RPGRIP1L: variants seen among roughly 807,000 people sequenced by gnomAD.
RPGRIP1L encodes the protein protein fantom.
Under a neutral mutation model 160.4 loss-of-function variants are expected in RPGRIP1L, and 131 were observed. The ratio of observed to expected loss-of-function variants is 0.82; its 90% CI spans 0.71 to 0.94. The LOEUF (loss-of-function observed/expected upper bound fraction) is 0.94. Ranked by LOEUF, RPGRIP1L falls within the 40% of genes least tolerant of loss-of-function variation. RPGRIP1L has a pLI of 0.00. For synonymous variants in RPGRIP1L, 510 were observed against 515.8 expected (o/e 0.99, Z 0.15); for missense variants, 1,522 against 1,535.8 (o/e 0.99, Z 0.15).
chr16:53,653,506 C>CT (rs1966976140), intron 14 of RPGRIP1L: 1 of 210,200 alleles, frequency 4.8e-6, no homozygotes. Context: ...ATCTGCCTTG[C>CT]TTTTCTGTGA....
At chr16:53,664,804 T>C in intron 10 of RPGRIP1L, 66 bp downstream of exon 10, 4 of 1,553,908 alleles carry the variant, frequency 2.6e-6, no homozygotes, top group East Asian at 4.5e-5. Context: ...GAGTAAGTAC[T>C]GACTGATTCA....
chr16:53,627,408 A>G (rs749945988), intron 22 of RPGRIP1L, among the ~76,000 whole-genome samples: 1 of 152,188 alleles, frequency 6.6e-6, no homozygotes, highest in African/African-American at 2.4e-5. Flanking sequence ...ACAGAAAATA[A>G]TTTGGCATAT....
At chr16:53,647,418 T>C (rs966837824) in intron 16 of RPGRIP1L, among the ~76,000 whole-genome samples, 2 of 152,246 alleles carry the variant, frequency 1.3e-5, no homozygotes, top group African/African-American at 2.4e-5. Flanking sequence ...TTTTTTTCTG[T>C]ATGTTTGTTC....
intron 24 of RPGRIP1L, among the ~76,000 whole-genome samples, chr16:53,618,324 G>A (rs775948339): frequency 6.6e-6 from 1 of 152,174 alleles, no homozygotes; most frequent in African/African-American, 2.4e-5. Flanking sequence ...TGATGACATT[G>A]ATCAGAAAGG....
chr16:53,691,097 TAGTGGTTTTTC>T (rs1411598656), intron 4 of RPGRIP1L, among the ~76,000 whole-genome samples: 2 of 151,670 alleles, frequency 1.3e-5, no homozygotes. Context: ...TTTCTGTTCA[TAGTGGTTTTTC>T]GTTTTTTTTT....
At chr16:53,695,315 A>T (rs1179302367) in intron 3 of RPGRIP1L, 2 of 694,806 alleles carry the variant, frequency 2.9e-6, no homozygotes, top group Admixed American at 4.2e-5. Flanking sequence ...CCCAACTCAA[A>T]GTAAAAGGCC....
intron 8 of RPGRIP1L, among the ~76,000 whole-genome samples, chr16:53,671,909 T>G (rs1448113096): frequency 6.6e-6 from 1 of 152,200 alleles, no homozygotes; most frequent in Non-Finnish European, 1.5e-5. Flanking sequence ...TTTTTACTTT[T>G]CACCATGATA....
intron 9 of RPGRIP1L, among the ~76,000 whole-genome samples, chr16:53,670,857 GGC>G (rs1968657876): frequency 6.6e-6 from 1 of 152,162 alleles, no homozygotes; most frequent in Non-Finnish European, 1.5e-5. Context: ...CACTTTCGGA[GGC>G]TGAGGCAGGA....
rs1967362075 is a variant in RPGRIP1L, at chr16:53,657,507, C to T, written c.1527G>A (p.Leu509=). The change falls in exon 13 of 27, where the codon CTG becomes CTA. Residue 509 remains leucine, a synonymous_variant. Transcript: ENST00000647211. ...QATHAETVQE[L]EKTRNMLIMQ... is the part of the protein sequence containing the mutation. Reference sequence around the variant, plus strand: ...TAATTAGCATGTTTCTTGTCTTTTCCAGCTCTTGCACCGTTTCTGCATGAG... The same window carrying T: ...TAATTAGCATGTTTCTTGTCTTTTCTAGCTCTTGCACCGTTTCTGCATGAG... The T allele has an allele frequency of 6.2e-7, 1 of 1,612,578 alleles. No homozygotes were observed. Among genetic ancestry groups the T allele is most frequent in the Non-Finnish European group, 8.5e-7 (1 of 1,179,298 alleles).
At chr16:53,637,922 G>T (rs1965943683) in intron 20 of RPGRIP1L, 68 bp from the exon 21 acceptor site, 1 of 1,454,186 alleles carries the variant, frequency 6.9e-7, no homozygotes, top group Admixed American at 1.7e-5. Context: ...ATTATTGCTG[G>T]AACAGTTGAA....
chr16:53,696,068 G>C (rs112923294), intron 3 of RPGRIP1L, 83 bp downstream of exon 3: 2 of 1,269,102 alleles, frequency 1.6e-6, no homozygotes, highest in Non-Finnish European at 2.3e-6. Flanking sequence ...TTCAAGGTGG[G>C]GTATTCAATT....
intron 5 of RPGRIP1L, 124 bp from the exon 6 acceptor site, chr16:53,686,700 C>CCT: frequency 1.2e-6 from 1 of 831,592 alleles, no homozygotes; most frequent in South Asian, 1.5e-5. Flanking sequence ...AGCTTAAGTG[C>CCT]CTCTGCACAC....
At position 53,646,000 on chromosome 16, in the gene RPGRIP1L, T is replaced by G. The variant is rs772889000; in HGVS notation, c.2308A>C (p.Ser770Arg). Reference protein sequence around the residue: ...FKGPEHMQSLSQQAPKTAQLS... With the variant: ...FKGPEHMQSLRQQAPKTAQLS... ...TGAGCAGTTTTGGGTGCTTGCTGACTTAACTGGAAAAACATACATATTTAT... is the reference window on the plus strand; with the variant it reads ...TGAGCAGTTTTGGGTGCTTGCTGACGTAACTGGAAAAACATACATATTTAT... The change falls in exon 17 of 27, where the codon AGT becomes CGT. Residue 770 changes from serine (S) to arginine (R), a missense_variant. Physicochemically the swap from Ser to Arg is moderately radical, Grantham distance 110. Coordinates refer to ENST00000647211, the MANE Select transcript of RPGRIP1L (RefSeq NM_015272.5). The G allele has an allele frequency of 1.2e-6, 2 of 1,613,920 alleles. No individual in the cohort carries two copies. Among genetic ancestry groups the G allele is most frequent in the Non-Finnish European group, 1.7e-6 (2 of 1,179,828 alleles).
At position 53,611,329 on chromosome 16, in the gene RPGRIP1L, A is replaced by C. The variant is rs1185582798; in HGVS notation, c.3617-278T>G. ...ATCACCGTCACTGCCTGTTAATGGC[A>C]CTGGCAGTCATGACAGTAAAAGTCA... is the stretch of plus-strand genomic sequence containing the variant. On this transcript the variant is annotated intron_variant, in intron 24 of 26. Coordinates refer to ENST00000647211, the MANE Select transcript of RPGRIP1L (RefSeq NM_015272.5). Among the ~76,000 whole-genome samples, 10 of 152,354 alleles carry C rather than the reference A, an allele frequency of 6.6e-5. No individual in the cohort carries two copies. In the East Asian group the frequency reaches 1.9e-3, roughly 29 times the overall value.
At chr16:53,608,858 G>A (rs1963847157) in intron 25 of RPGRIP1L, among the ~76,000 whole-genome samples, 1 of 152,154 alleles carries the variant, frequency 6.6e-6, no homozygotes, top group Admixed American at 6.5e-5. Context: ...CTTTCCCTTA[G>A]GACAATGATA....
At chr16:53,608,993 C>T (rs1432927533) in intron 25 of RPGRIP1L, among the ~76,000 whole-genome samples, 1 of 152,214 alleles carries the variant, frequency 6.6e-6, no homozygotes, top group South Asian at 2.1e-4. Flanking sequence ...CCTGCAATAC[C>T]TCTCTATCTT....
chr16:53,669,348 A>G (rs1284051348), intron 9 of RPGRIP1L, among the ~76,000 whole-genome samples: 1 of 152,084 alleles, frequency 6.6e-6, no homozygotes. Context: ...TTTGACACTC[A>G]TTACACACAT....
intron 6 of RPGRIP1L, among the ~76,000 whole-genome samples, chr16:53,685,978 A>G (rs1969979611): frequency 6.6e-6 from 1 of 152,216 alleles, no homozygotes. Flanking sequence ...ATTGCAATCC[A>G]AACTTGGAAT....
intron 25 of RPGRIP1L, among the ~76,000 whole-genome samples, chr16:53,609,130 C>T (rs538414977): frequency 2.0e-5 from 3 of 152,276 alleles, no homozygotes; most frequent in African/African-American, 7.2e-5. Flanking sequence ...GCTCTCTCAC[C>T]CAGGTTGGAG....
Sources: gnomAD v4.1 joint callset for allele counts (sites outside exome capture counted in the v4.1 genomes callset) on GRCh38, gnomAD v4.1.1 for gene constraint, MANE v1.5 for transcripts, NCBI Gene and HGNC (gene_info 2026-07-23, HGNC 2026-07-21) for gene names.